The following SAMD4A variants were observed in gnomAD, a reference collection of about 807,000 sequenced individuals.
SAMD4A encodes protein Smaug homolog 1.
SAMD4A carries 33 observed loss-of-function variants against 81.3 expected under a neutral mutation model. The observed-to-expected ratio is 0.41, with a 90% CI of 0.31 to 0.54. SAMD4A has a LOEUF of 0.54. SAMD4A is among the 20% of genes least tolerant of loss of function. The pLI is 0.37. For synonymous variants in SAMD4A, 389 were observed against 382.1 expected (o/e 1.02, Z -0.21); for missense variants, 854 against 951.1 (o/e 0.90, Z 1.34).
rs755238082 is a variant in SAMD4A at position 54,567,878 on chromosome 14, G to A, written c.-39G>A. On this transcript the variant is annotated 5_prime_UTR_variant, in exon 2 of 13. Coordinates refer to ENST00000554335, the MANE Select transcript of SAMD4A (RefSeq NM_015589.6). ...TGGGGCGGGCGGGGCGGGCTGGGGC[G>A]CCCAGGGGGCTCTGTAGACCGAGGG... The A allele has an allele frequency of 1.9e-6, 3 of 1,578,858 alleles. No individual in the cohort carries two copies. Among genetic ancestry groups the A allele is most frequent in the East Asian group, 2.3e-5 (1 of 42,754 alleles).
intron 2 of SAMD4A, chr14:54,695,013 G>A (rs2036542033): frequency 1.5e-6 from 1 of 654,800 alleles, no homozygotes; most frequent in Non-Finnish European, 1.9e-6. Flanking sequence ...TGAATGACCA[G>A]CACCTGATGA....
chr14:54,781,313 C>T (rs528234658), intron 11 of SAMD4A, among the ~76,000 whole-genome samples: 209 of 152,374 alleles, frequency 1.4e-3, no homozygotes, highest in Non-Finnish European at 2.4e-3. Flanking sequence ...TGGACGGTTA[C>T]TGCCAAGGAC....
chr14:54,756,700 A>G (rs1172882991), intron 6 of SAMD4A, among the ~76,000 whole-genome samples: 1 of 152,250 alleles, frequency 6.6e-6, no homozygotes, highest in Non-Finnish European at 1.5e-5. Context: ...AGCTAGAGAT[A>G]TCACATGAGT....
intron 2 of SAMD4A, among the ~76,000 whole-genome samples, chr14:54,618,560 C>A (rs1247890938): frequency 1.3e-5 from 2 of 152,180 alleles, no homozygotes; most frequent in African/African-American, 4.8e-5. Flanking sequence ...TGAAAATCAA[C>A]TGAAGAATTT....
At chr14:54,719,651 T>C (rs1594855095) in intron 3 of SAMD4A, among the ~76,000 whole-genome samples, 1 of 152,306 alleles carries the variant, frequency 6.6e-6, no homozygotes, top group East Asian at 1.9e-4. Context: ...AAGCTGTGGT[T>C]CAGAGCACAC....
Position 54,615,940 on chromosome 14 carries a change from T to C in SAMD4A, c.196+47828T>C, listed in dbSNP as rs192867032. 7.9e-4 allele frequency among the ~76,000 whole-genome samples: 118 copies of C among 149,322 alleles called. 1 individual carries two copies. In the South Asian group the frequency reaches 0.013, roughly 17 times the overall value. On this transcript the variant is annotated intron_variant, in intron 2 of 12. Transcript: ENST00000554335. ...ATAAAATAGAAGTGAGTGGGAAAAA[T>C]TCTCTTATCAGAAATTTCCTATGTA... is the stretch of plus-strand genomic sequence containing the variant.
chr14:54,604,171 A>G (rs1305155304), intron 2 of SAMD4A, among the ~76,000 whole-genome samples: 1 of 152,178 alleles, frequency 6.6e-6, no homozygotes, highest in Non-Finnish European at 1.5e-5. Flanking sequence ...CTTGCTGAGC[A>G]TAGTTGTCTG....
intron 2 of SAMD4A, among the ~76,000 whole-genome samples, chr14:54,575,183 C>T (rs1008005404): frequency 1.3e-5 from 2 of 152,074 alleles, no homozygotes; most frequent in Non-Finnish European, 2.9e-5. Flanking sequence ...AATCTGTGAC[C>T]AAGGGCAGTG....
At chr14:54,738,134 A>G (rs2037747045) in intron 4 of SAMD4A, among the ~76,000 whole-genome samples, 1 of 152,232 alleles carries the variant, frequency 6.6e-6, no homozygotes, top group South Asian at 2.1e-4. Flanking sequence ...GTAACCACTC[A>G]TGCTTTGGGG....
intron 2 of SAMD4A, among the ~76,000 whole-genome samples, chr14:54,682,223 C>T (rs2036145546): frequency 1.3e-5 from 2 of 152,102 alleles, no homozygotes; most frequent in South Asian, 4.2e-4. Flanking sequence ...ACGTCACATT[C>T]CCCTGACTCA....
chr14:54,737,631 C>T (rs1307588455), intron 4 of SAMD4A, among the ~76,000 whole-genome samples: 5 of 143,768 alleles, frequency 3.5e-5, no homozygotes, highest in African/African-American at 1.3e-4. Context: ...GTTTGTAAAG[C>T]TACTGAGCTG....
intron 2 of SAMD4A, chr14:54,652,799 A>T (rs1437024801): frequency 6.6e-6 from 1 of 152,130 alleles, no homozygotes; most frequent in African/African-American, 2.4e-5. Context: ...CGGACTCTTC[A>T]TGGAGACACA....
chr14:54,608,858 G>A (rs758540073), intron 2 of SAMD4A, among the ~76,000 whole-genome samples: 38 of 152,240 alleles, frequency 2.5e-4, no homozygotes, highest in African/African-American at 8.4e-4. Flanking sequence ...AGGTGAGGGC[G>A]TGGAGAAACC....
chr14:54,715,136 G>T (rs966237160), intron 3 of SAMD4A, among the ~76,000 whole-genome samples: 1 of 152,000 alleles, frequency 6.6e-6, no homozygotes, highest in Non-Finnish European at 1.5e-5. Flanking sequence ...AACAAATGAG[G>T]CTCTGTACAC....
At chr14:54,618,231 C>T (rs375821332) in intron 2 of SAMD4A, among the ~76,000 whole-genome samples, 12 of 152,150 alleles carry the variant, frequency 7.9e-5, no homozygotes, top group East Asian at 1.9e-4. Flanking sequence ...CACCAGCTCC[C>T]GTGAGCTGAT....
At chr14:54,780,770 C>G (rs141326123) in intron 11 of SAMD4A, among the ~76,000 whole-genome samples, 4 of 152,296 alleles carry the variant, frequency 2.6e-5, no homozygotes, top group East Asian at 3.9e-4. Flanking sequence ...AGGACCTCCA[C>G]AGGCACTGAC....
chr14:54,748,960 C>A, intron 5 of SAMD4A, 36 bp downstream of exon 5: 1 of 1,454,736 alleles, frequency 6.9e-7, no homozygotes, highest in Non-Finnish European at 9.4e-7. Flanking sequence ...TGAGAGGGTG[C>A]CCCAGGCAGG....
intron 2 of SAMD4A, among the ~76,000 whole-genome samples, chr14:54,655,598 C>T (rs2035502485): frequency 6.6e-6 from 1 of 151,812 alleles, no homozygotes; most frequent in Admixed American, 6.6e-5. Context: ...ATTAGCCGGG[C>T]ATGGTGGCGC....
intron 2 of SAMD4A, among the ~76,000 whole-genome samples, chr14:54,669,424 T>C (rs2035825353): frequency 6.6e-6 from 1 of 151,762 alleles, no homozygotes. Flanking sequence ...AGAGCTTTAT[T>C]TTTAGAAGCA....
Sources: allele counts gnomAD v4.1 joint callset (sites outside exome capture counted in the v4.1 genomes callset), GRCh38; gene constraint gnomAD v4.1.1; transcripts MANE v1.5; gene names NCBI Gene and HGNC (gene_info 2026-07-23, HGNC 2026-07-21).